The following KIRREL1 variants were observed in gnomAD, a reference collection of about 807,000 sequenced individuals.
KIRREL1 encodes the protein kin of IRRE-like protein 1.
Under a neutral mutation model 83.3 loss-of-function variants are expected in KIRREL1, and 25 were observed. That is an observed-to-expected ratio of 0.30 (90% CI 0.22 to 0.42). The LOEUF is 0.42. KIRREL1 is among the 10% of genes least tolerant of loss of function. KIRREL1 has a pLI of 1.00. For missense variants in KIRREL1, 812 were observed against 1,032.3 expected (o/e 0.79, Z 2.92); for synonymous variants, 388 against 410.4 (o/e 0.95, Z 0.66).
chr1:158,006,526 G>T (rs150620714), intron 1 of KIRREL1, among the ~76,000 whole-genome samples: 1 of 152,220 alleles, frequency 6.6e-6, no homozygotes, highest in East Asian at 1.9e-4. Context: ...CCTGGGCCCC[G>T]CGTGAGCCCA....
intron 1 of KIRREL1, among the ~76,000 whole-genome samples, chr1:158,039,094 G>A (rs540460582): frequency 6.6e-6 from 1 of 152,248 alleles, no homozygotes; most frequent in East Asian, 1.9e-4. Context: ...AGGAAGGTTG[G>A]ACAAGGTGAC....
rs200535639 is a variant in KIRREL1 at position 158,087,907 on chromosome 1, A to G, written c.767+47A>G. The G allele has an allele frequency of 5.8e-5, 94 of 1,607,274 alleles. No homozygotes were observed. In the South Asian group the frequency reaches 6.3e-4, roughly 11 times the overall value. On this transcript the variant is annotated intron_variant, in intron 6 of 14. Transcript: ENST00000359209. ...AGCGCTCTGGGGAGTGATAAGGAAGAGTTCGGGGTTAGAGGCTGTACTGGG... is the reference window on the plus strand; with the variant it reads ...AGCGCTCTGGGGAGTGATAAGGAAGGGTTCGGGGTTAGAGGCTGTACTGGG...
intron 1 of KIRREL1, among the ~76,000 whole-genome samples, chr1:158,007,576 G>A (rs182402527): frequency 9.1e-4 from 138 of 152,262 alleles, no homozygotes; most frequent in African/African-American, 3.2e-3. Flanking sequence ...CACCTCAGGA[G>A]AGGACTGGGG....
At chr1:158,000,138 C>T (rs868093217) in intron 1 of KIRREL1, among the ~76,000 whole-genome samples, 4 of 152,144 alleles carry the variant, frequency 2.6e-5, no homozygotes, top group Admixed American at 2.6e-4. Context: ...TGCATGCAAG[C>T]GTGTGGATGC....
At chr1:158,092,629 G>A (rs2101646399) in intron 11 of KIRREL1, among the ~76,000 whole-genome samples, 1 of 152,280 alleles carries the variant, frequency 6.6e-6, no homozygotes, top group South Asian at 2.1e-4. Flanking sequence ...TTACAGGCAT[G>A]AGCCACCATG....
At chr1:158,029,379 G>GCGCT (rs1557995121) in intron 1 of KIRREL1, among the ~76,000 whole-genome samples, 1 of 151,206 alleles carries the variant, frequency 6.6e-6, no homozygotes, top group Non-Finnish European at 1.5e-5. Context: ...ACGTGCGCGC[G>GCGCT]CATGCACACA....
At position 158,089,628 on chromosome 1, in the gene KIRREL1, GGTGA is replaced by G. The variant is rs1291634641; in HGVS notation, c.1171+8_1171+11del. 1.2e-6 allele frequency: 2 copies of G among 1,613,248 alleles called. No individual in the cohort carries two copies. The highest frequency in any genetic ancestry group is 1.7e-6 in the Non-Finnish European group (2 of 1,179,398). On this transcript the variant is annotated splice_donor_variant and splice_donor_region_variant and intron_variant, in intron 9 of 14. Coordinates refer to ENST00000359209, the MANE Select transcript of KIRREL1 (RefSeq NM_018240.7). LOFTEE classifies it high-confidence loss of function. ...GCGGGAGGTGCCGCTCTATGTGAAC[GGTGA>G]GTGAGTGGCCTGAGAGGCAGCCGGG...
intron 1 of KIRREL1, among the ~76,000 whole-genome samples, chr1:158,074,728 G>A (rs1051289760): frequency 4.6e-5 from 7 of 152,164 alleles, no homozygotes; most frequent in African/African-American, 1.7e-4. Context: ...AAATGGGGCT[G>A]GTGAAGAGAA....
chr1:158,088,435 C>T lies in KIRREL1; in HGVS notation c.1025C>T (p.Thr342Ile). Residue 342 changes from threonine to isoleucine, a missense_variant, in exon 8 of 15, where the codon ACC (threonine) becomes ATC (isoleucine). Physicochemically the swap from Thr to Ile is moderately conservative, Grantham distance 89. Transcript: ENST00000359209. ...AATCCCCCCCTCACTCTCACCTGGA[C>T]CAAAAAGGACTCAAATATGGTAAGA... ...VGNPPLTLTW[T>I]KKDSNMVLSN... 1 of 1,597,574 alleles carries T rather than the reference C, an allele frequency of 6.3e-7. No homozygotes were observed. Among genetic ancestry groups the T allele is most frequent in the Non-Finnish European group, 8.5e-7 (1 of 1,171,604 alleles).
Position 158,095,060 on chromosome 1 carries a change from C to T in KIRREL1, c.2214C>T (p.Tyr738=), listed in dbSNP as rs754500286. Residue 738 remains tyrosine, a synonymous_variant, in exon 15 of 15, where the codon TAC becomes TAT. Coordinates refer to ENST00000359209, the MANE Select transcript of KIRREL1 (RefSeq NM_018240.7). ...GKYATATRFS[Y]TSQHSDYGQR... Reference sequence around the variant, plus strand: ...ACGCCACAGCCACTCGATTCTCCTACACCTCCCAGCACTCGGACTACGGCC... The same window carrying T: ...ACGCCACAGCCACTCGATTCTCCTATACCTCCCAGCACTCGGACTACGGCC... 1 of 1,612,686 alleles carries T rather than the reference C, an allele frequency of 6.2e-7. No homozygotes were observed. Among genetic ancestry groups the T allele is most frequent in the South Asian group, 1.1e-5 (1 of 90,982 alleles).
chr1:158,070,609 G>A (rs780745475), intron 1 of KIRREL1, among the ~76,000 whole-genome samples: 11 of 152,200 alleles, frequency 7.2e-5, no homozygotes, highest in Non-Finnish European at 8.8e-5. Context: ...CTGTGATAAA[G>A]TGTTATAACC....
At chr1:158,076,862 A>G (rs1460642831) in intron 2 of KIRREL1, among the ~76,000 whole-genome samples, 1 of 152,230 alleles carries the variant, frequency 6.6e-6, no homozygotes, top group Admixed American at 6.5e-5. Flanking sequence ...CCAACTTCCT[A>G]TATTCTAAAG....
At chr1:158,092,345 CTTTTTTTTT>C (rs11430850) in intron 11 of KIRREL1, among the ~76,000 whole-genome samples, 1 of 110,936 alleles carries the variant, frequency 9.0e-6, no homozygotes, top group Non-Finnish European at 1.7e-5. Context: ...TCACTTCAGT[CTTTTTTTTT>C]TTTTTTTTTT....
chr1:158,085,672 C>G (rs1661992023), intron 4 of KIRREL1, among the ~76,000 whole-genome samples: 1 of 152,168 alleles, frequency 6.6e-6, no homozygotes, highest in South Asian at 2.1e-4. Flanking sequence ...TGGGCCTGTC[C>G]AGCAAAGCTG....
chr1:158,057,610 A>C (rs1661100427), intron 1 of KIRREL1, among the ~76,000 whole-genome samples: 1 of 152,162 alleles, frequency 6.6e-6, no homozygotes, highest in Admixed American at 6.5e-5. Context: ...ATCTGAGGAA[A>C]AGAAAAGATG....
chr1:158,010,133 C>G (rs1659631493), intron 1 of KIRREL1, among the ~76,000 whole-genome samples: 1 of 152,070 alleles, frequency 6.6e-6, no homozygotes, highest in Non-Finnish European at 1.5e-5. Context: ...AAAGGACTGG[C>G]TCTTCCCAAA....
At chr1:158,090,509 G>A (rs1419660973) in intron 10 of KIRREL1, among the ~76,000 whole-genome samples, 3 of 152,132 alleles carry the variant, frequency 2.0e-5, no homozygotes, top group African/African-American at 4.8e-5. Context: ...ACGGCCGCCC[G>A]GGCAGCAGGC....
intron 1 of KIRREL1, among the ~76,000 whole-genome samples, chr1:158,022,354 T>G (rs1171156723): frequency 1.3e-5 from 2 of 152,198 alleles, no homozygotes; most frequent in Admixed American, 1.3e-4. Flanking sequence ...GGATGTCCGT[T>G]CTGGAAAGGA....
At chr1:157,998,414 CA>C (rs1440683984) in intron 1 of KIRREL1, among the ~76,000 whole-genome samples, 1 of 152,204 alleles carries the variant, frequency 6.6e-6, no homozygotes, top group East Asian at 1.9e-4. Context: ...TTCTGTCCTA[CA>C]TTTTTTGGTG....
Sources: allele counts gnomAD v4.1 joint callset (sites outside exome capture counted in the v4.1 genomes callset), GRCh38; gene constraint gnomAD v4.1.1; transcripts MANE v1.5; gene names NCBI Gene and HGNC (gene_info 2026-07-23, HGNC 2026-07-21).